PRMT3: variants seen among roughly 807,000 people sequenced by gnomAD.
PRMT3 encodes protein arginine methyltransferase 3.
In PRMT3, 62 loss-of-function variants were observed where a neutral mutation model predicts 71.9. That is an observed-to-expected ratio of 0.86 (90% confidence interval 0.70 to 1.07). The LOEUF (loss-of-function observed/expected upper bound fraction) is 1.07. Ranked by LOEUF, PRMT3 falls within the 50% of genes least tolerant of loss-of-function variation. The pLI is 0.00. For missense variants in PRMT3, 663 were observed against 643.0 expected, an observed-to-expected ratio of 1.03 and a Z score of -0.34; for synonymous variants, 213 against 220.4, an observed-to-expected ratio of 0.97 and a Z score of 0.30.
intron 13 of PRMT3, among the ~76,000 whole-genome samples, chr11:20,469,804 G>A (rs1186335472): frequency 6.6e-6 from 1 of 151,500 alleles, no homozygotes; most frequent in African/African-American, 2.4e-5. Context: ...CTTAATTTCA[G>A]CATTTTTTCT....
At chr11:20,451,399 G>A (rs372746833) in intron 10 of PRMT3, among the ~76,000 whole-genome samples, 1 of 152,010 alleles carries the variant, frequency 6.6e-6, no homozygotes, top group Non-Finnish European at 1.5e-5. Flanking sequence ...AGAACTTTTA[G>A]TGTGCTCATG....
At position 20,428,368 on chromosome 11, in the gene PRMT3, A is replaced by G. The variant is rs192722673; in HGVS notation, c.993+1503A>G. Among the ~76,000 whole-genome samples, 170 of 152,340 alleles carry G rather than the reference A, an allele frequency of 1.1e-3. 1 individual carries two copies. The highest frequency in any genetic ancestry group is 3.6e-3 in the African/African-American group (150 of 41,578). On this transcript the variant is annotated intron_variant, in intron 10 of 15. Coordinates refer to ENST00000331079, the MANE Select transcript of PRMT3 (RefSeq NM_005788.4). ...CCAAAATAGACTTTATAGGCAAACC[A>G]AAAGAAAGACTTGTCCAAACTTCCT...
chr11:20,506,685 T>C (rs1341192823), intron 15 of PRMT3, among the ~76,000 whole-genome samples: 1 of 152,208 alleles, frequency 6.6e-6, no homozygotes, highest in East Asian at 1.9e-4. Flanking sequence ...TTCAATAGTT[T>C]TATGTAGATT....
Position 20,407,936 on chromosome 11 carries a change from C to T in PRMT3, c.797C>T (p.Thr266Ile). Residue 266 changes from threonine to isoleucine, a missense_variant, in exon 9 of 16, where the codon ACT becomes ATT. By Grantham distance (89) the Thr-to-Ile change is moderately conservative (BLOSUM62 -1). Coordinates refer to ENST00000331079, the MANE Select transcript of PRMT3 (RefSeq NM_005788.4). Reference protein sequence around the residue: ...DKVVLDVGCGTGILSMFAAKA... With the variant: ...DKVVLDVGCGIGILSMFAAKA... ...GTAGTTTTGGATGTTGGGTGTGGAA[C>T]TGGAATTCTCTCTATGTTTGCTGCT... is the stretch of plus-strand genomic sequence containing the variant. The T allele has an allele frequency of 1.9e-6, 3 of 1,611,296 alleles. No homozygotes were observed. Among genetic ancestry groups the T allele is most frequent in the Non-Finnish European group, 2.5e-6 (3 of 1,177,848 alleles).
At chr11:20,464,709 A>G (rs967535334) in intron 13 of PRMT3, among the ~76,000 whole-genome samples, 163 bp downstream of exon 13, 1 of 152,230 alleles carries the variant, frequency 6.6e-6, no homozygotes, top group Non-Finnish European at 1.5e-5. Context: ...TTAATAGGTC[A>G]GTAAACTTCA....
intron 8 of PRMT3, 76 bp downstream of exon 8, chr11:20,403,060 T>G: frequency 9.3e-7 from 1 of 1,076,470 alleles, no homozygotes; most frequent in South Asian, 1.3e-5. Flanking sequence ...GGCTCATCAT[T>G]GTGATAGCAA....
chr11:20,489,464 AT>A (rs879505477), intron 13 of PRMT3, among the ~76,000 whole-genome samples: 17 of 152,154 alleles, frequency 1.1e-4, no homozygotes, highest in Non-Finnish European at 2.2e-4. Context: ...GCCATTGCCT[AT>A]TAGTCATTAT....
At chr11:20,415,017 G>GGTCTGT (rs1555009385) in intron 9 of PRMT3, among the ~76,000 whole-genome samples, 1 of 135,316 alleles carries the variant, frequency 7.4e-6, no homozygotes, top group Non-Finnish European at 1.7e-5. Flanking sequence ...TGGTGGTAGT[G>GGTCTGT]GTGTGTGTGT....
chr11:20,470,033 G>C (rs1850606370), intron 13 of PRMT3, among the ~76,000 whole-genome samples: 1 of 152,070 alleles, frequency 6.6e-6, no homozygotes, highest in Non-Finnish European at 1.5e-5. Flanking sequence ...ATGCAGTCTT[G>C]TCATTGTGCA....
At chr11:20,486,155 T>C (rs1590103056) in intron 13 of PRMT3, among the ~76,000 whole-genome samples, 1 of 152,224 alleles carries the variant, frequency 6.6e-6, no homozygotes, top group Non-Finnish European at 1.5e-5. Flanking sequence ...AATAGGTATA[T>C]TTGTAGACAC....
At chr11:20,410,878 C>G (rs1234879419) in intron 9 of PRMT3, among the ~76,000 whole-genome samples, 2 of 152,082 alleles carry the variant, frequency 1.3e-5, no homozygotes, top group African/African-American at 4.8e-5. Flanking sequence ...CAAGTGACAT[C>G]TGCAGTCACA....
intron 9 of PRMT3, among the ~76,000 whole-genome samples, chr11:20,419,146 T>C (rs975530678): frequency 6.6e-6 from 1 of 152,226 alleles, no homozygotes; most frequent in African/African-American, 2.4e-5. Flanking sequence ...CTTACACCTA[T>C]AGTATGTAAC....
chr11:20,414,865 C>T lies in PRMT3; in HGVS notation c.893+6833C>T, dbSNP rs955452104. Among the ~76,000 whole-genome samples the T allele has an allele frequency of 5.3e-5, 8 of 152,132 alleles. No individual in the cohort carries two copies. The East Asian group carries it at 1.5e-3, about 29-fold the overall frequency. On this transcript the variant is annotated intron_variant, in intron 9 of 15. Coordinates refer to ENST00000331079, the MANE Select transcript of PRMT3 (RefSeq NM_005788.4). ...TTGTCATGTTTATGCAGGTGTCCTT[C>T]TCTAGACACAAGGACAAGAGCTTTA...
chr11:20,461,169 A>G (rs1239357674), intron 11 of PRMT3, among the ~76,000 whole-genome samples: 1 of 152,110 alleles, frequency 6.6e-6, no homozygotes, highest in Non-Finnish European at 1.5e-5. Context: ...TAGATTGTAT[A>G]TGGGCCATCC....
intron 7 of PRMT3, 53 bp downstream of exon 7, chr11:20,397,774 G>T: frequency 6.3e-7 from 1 of 1,582,610 alleles, no homozygotes; most frequent in Non-Finnish European, 8.6e-7. Flanking sequence ...AAATAGAACA[G>T]GTTCTTTCTT....
chr11:20,394,980 A>AG (rs1848793740), intron 5 of PRMT3, among the ~76,000 whole-genome samples: 2 of 152,206 alleles, frequency 1.3e-5, no homozygotes, highest in African/African-American at 4.8e-5. Flanking sequence ...AATGGGAAGA[A>AG]CGTGGGCTGG....
intron 10 of PRMT3, among the ~76,000 whole-genome samples, chr11:20,445,397 A>G (rs961534442): frequency 6.6e-6 from 1 of 152,104 alleles, no homozygotes; most frequent in African/African-American, 2.4e-5. Flanking sequence ...ACACAGAGGC[A>G]ATCATTTTGT....
At chr11:20,482,936 C>A (rs1850976602) in intron 13 of PRMT3, among the ~76,000 whole-genome samples, 1 of 151,906 alleles carries the variant, frequency 6.6e-6, no homozygotes, top group Non-Finnish European at 1.5e-5. Flanking sequence ...ATTTTTAGTT[C>A]CCACTCTATA....
Position 20,404,205 on chromosome 11 carries a change from T to C in PRMT3, c.771+1221T>C, listed in dbSNP as rs183625336. The stretch of plus-strand genomic sequence containing the variant: ...CTATATGTTACTATAGTGGAGACTT[T>C]TCATAGTTTTTTTTTTTTTTTTTTT... On this transcript the variant is annotated intron_variant, in intron 8 of 15. Coordinates refer to ENST00000331079, the MANE Select transcript of PRMT3 (RefSeq NM_005788.4). Among the ~76,000 whole-genome samples, 345 of 139,652 alleles carry C rather than the reference T, an allele frequency of 2.5e-3. 5 individuals carry two copies. The highest frequency in any genetic ancestry group is 8.8e-3 in the African/African-American group (332 of 37,548). The allele number at this position is 139,652 out of a possible 152,430, so 91.6% of individuals were successfully genotyped here. A position where few individuals can be genotyped will look rare whatever the true frequency, so the allele number is the denominator to read the frequency against.
Sources: allele counts gnomAD v4.1 joint callset (sites outside exome capture counted in the v4.1 genomes callset), GRCh38; gene constraint gnomAD v4.1.1; transcripts MANE v1.5; gene names NCBI Gene and HGNC (gene_info 2026-07-23, HGNC 2026-07-21).